Variants in ATL2 observed in about 807,000 individuals in gnomAD.
ATL2 encodes atlastin-2.
In ATL2, 31 loss-of-function variants were observed where a neutral mutation model predicts 73.9. The observed-to-expected ratio is 0.42, with a 90% confidence interval of 0.32 to 0.57. ATL2 has a LOEUF of 0.57. ATL2 is among the 20% of genes least tolerant of loss of function. The pLI, the probability that ATL2 is intolerant of heterozygous loss-of-function variation, is 0.14. For missense variants in ATL2, 738 were observed against 702.6 expected (o/e 1.05, Z -0.57); for synonymous variants, 291 against 237.5 (o/e 1.23, Z -2.07).
intron 2 of ATL2, among the ~76,000 whole-genome samples, chr2:38,334,271 C>T (rs906910170): frequency 6.6e-5 from 10 of 151,696 alleles, no homozygotes; most frequent in South Asian, 4.2e-4. Context: ...CTCAAGCAGT[C>T]GACTTGCCTC....
At chr2:38,371,791 A>C (rs1399639059) in intron 1 of ATL2, among the ~76,000 whole-genome samples, 1 of 151,924 alleles carries the variant, frequency 6.6e-6, no homozygotes, top group Admixed American at 6.6e-5. Context: ...CCAGATACTC[A>C]GGGGCTGAGG....
intron 1 of ATL2, among the ~76,000 whole-genome samples, chr2:38,343,953 T>A (rs1418151977): frequency 1.3e-5 from 2 of 152,188 alleles, no homozygotes; most frequent in East Asian, 3.8e-4. Flanking sequence ...TTGTGAGACC[T>A]CCCCAGCCAC....
intron 2 of ATL2, 112 bp downstream of exon 2, chr2:38,343,148 TTAAAAAAA>T (rs1435917135): frequency 2.1e-5 from 15 of 717,932 alleles, no homozygotes; most frequent in Non-Finnish European, 2.5e-5. Flanking sequence ...ACCACTTAAA[TTAAAAAAA>T]AAAAAAAAAA....
chr2:38,340,652 G>A (rs1008336752), intron 2 of ATL2, among the ~76,000 whole-genome samples: 1 of 152,110 alleles, frequency 6.6e-6, no homozygotes, highest in Non-Finnish European at 1.5e-5. Context: ...TCCCACCTGT[G>A]CAGGCATACA....
In ATL2 at chr2:38,349,165, A is replaced by C. The variant is rs1670198241; in HGVS notation, c.119-5653T>G. ...AAATACCATTTGACCCAGTCATCCCATTACTGGGTATATACCCAAAGGACT... is the reference window on the plus strand; with the variant it reads ...AAATACCATTTGACCCAGTCATCCCCTTACTGGGTATATACCCAAAGGACT... On this transcript the variant is annotated intron_variant, in intron 1 of 12. Coordinates refer to ENST00000378954, the MANE Select transcript of ATL2 (RefSeq NM_001135673.4). Among the ~76,000 whole-genome samples the C allele has an allele frequency of 3.3e-5, 5 of 152,118 alleles. 1 individual carries two copies. Among genetic ancestry groups the C allele is most frequent in the Admixed American group, 3.3e-4 (5 of 15,280 alleles).
In ATL2 at chr2:38,309,416, G is replaced by T. The variant is rs200636844; in HGVS notation, c.1034C>A (p.Ser345Tyr). The change falls in exon 9 of 13, where the codon TCT (serine) becomes TAT (tyrosine). Residue 345 changes from serine (S) to tyrosine (Y), a missense_variant. Physicochemically the swap from Ser to Tyr is moderately radical, Grantham distance 144. Transcript: ENST00000378954. Reference sequence around the variant, plus strand: ...TACAAGATCTCTACAAGTGACTTTAGATCCACTTATCTCTTTTTCTACCAA... The same window carrying T: ...TACAAGATCTCTACAAGTGACTTTATATCCACTTATCTCTTTTTCTACCAA... Reference protein sequence around the residue: ...ENLVEKEISGSKVTCRDLVEY... With the variant: ...ENLVEKEISGYKVTCRDLVEY... 5 of 1,611,774 alleles carry T rather than the reference G, an allele frequency of 3.1e-6. No homozygotes were observed. The highest frequency in any genetic ancestry group is 4.2e-6 in the Non-Finnish European group (5 of 1,179,524).
intron 9 of ATL2, 120 bp downstream of exon 9, chr2:38,309,259 A>C: frequency 1.0e-6 from 1 of 985,650 alleles, no homozygotes; most frequent in Non-Finnish European, 1.4e-6. Context: ...CAGAAAGATA[A>C]ATCACAAATC....
chr2:38,294,581 C>T lies in ATL2; in HGVS notation c.*1413G>A, dbSNP rs575880412. On this transcript the variant is annotated 3_prime_UTR_variant, in exon 13 of 13. Transcript: ENST00000378954. ...AACAAACAAAACTAGGTACTTTAAT[C>T]GGTGTTCACAAAGAAGACCACAAAA... Among the ~76,000 whole-genome samples, 9 of 150,608 alleles carry T rather than the reference C, an allele frequency of 6.0e-5. No homozygotes were observed. The South Asian group carries it at 8.4e-4, about 14-fold the overall frequency.
At chr2:38,296,368 C>A in intron 12 of ATL2, 2 of 1,492,858 alleles carry the variant, frequency 1.3e-6, no homozygotes, top group Non-Finnish European at 8.9e-7. Flanking sequence ...CTATATGCAG[C>A]ATCAAATCTG....
intron 1 of ATL2, among the ~76,000 whole-genome samples, chr2:38,350,310 C>G (rs552174315): frequency 1.2e-4 from 18 of 152,264 alleles, no homozygotes; most frequent in Non-Finnish European, 1.9e-4. Context: ...TAAAAGACAC[C>G]TAAAGATGAT....
At chr2:38,300,646 A>G (rs1177198122) in intron 9 of ATL2, among the ~76,000 whole-genome samples, 1 of 152,152 alleles carries the variant, frequency 6.6e-6, no homozygotes, top group Non-Finnish European at 1.5e-5. Flanking sequence ...TATTTTTAAA[A>G]AACTTTTTTT....
intron 2 of ATL2, among the ~76,000 whole-genome samples, chr2:38,328,918 A>C (rs538636563): frequency 6.6e-6 from 1 of 151,964 alleles, no homozygotes; most frequent in Admixed American, 6.6e-5. Context: ...CAATATAATT[A>C]ACTGAAGAGA....
rs528614040 is a variant in ATL2 at position 38,348,242 on chromosome 2, G to A, written c.119-4730C>T. On this transcript the variant is annotated intron_variant, in intron 1 of 12. Transcript: ENST00000378954. ...AACAATTTGGGAGGCTGAGGAGGGCGGATCACCTAAAGTCAGGAGTTTAAG... is the reference window on the plus strand; with the variant it reads ...AACAATTTGGGAGGCTGAGGAGGGCAGATCACCTAAAGTCAGGAGTTTAAG... 8.3e-4 allele frequency among the ~76,000 whole-genome samples: 126 copies of A among 152,062 alleles called. 2 individuals are homozygous for A. Among genetic ancestry groups the A allele is most frequent in the South Asian group, 7.9e-3 (38 of 4,806 alleles).
chr2:38,361,108 C>A (rs916605015), intron 1 of ATL2, among the ~76,000 whole-genome samples: 1 of 151,888 alleles, frequency 6.6e-6, no homozygotes, highest in Non-Finnish European at 1.5e-5. Flanking sequence ...AATCCCAGCA[C>A]TTTGGGAGGC....
intron 2 of ATL2, among the ~76,000 whole-genome samples, chr2:38,337,854 T>C (rs115355014): frequency 0.027 from 4,102 of 152,250 alleles, 99 homozygotes; most frequent in South Asian, 0.099. Context: ...GGTATAAAAG[T>C]AGAAGCAACT....
chr2:38,350,227 C>T (rs1670260213), intron 1 of ATL2, among the ~76,000 whole-genome samples: 1 of 152,174 alleles, frequency 6.6e-6, no homozygotes, highest in Admixed American at 6.5e-5. Flanking sequence ...CCCCCCAACA[C>T]ATTTTTGTGA....
At chr2:38,353,464 C>G (rs894531844) in intron 1 of ATL2, among the ~76,000 whole-genome samples, 12 of 152,188 alleles carry the variant, frequency 7.9e-5, no homozygotes, top group Admixed American at 7.9e-4. Context: ...CTATGGAACA[C>G]TATCCAACCT....
chr2:38,334,890 TA>T (rs370587680), intron 2 of ATL2, among the ~76,000 whole-genome samples: 13 of 28,482 alleles, frequency 4.6e-4, no homozygotes, highest in East Asian at 4.9e-3. Context: ...ATATAATATA[TA>T]ATATATATTA....
chr2:38,297,995 T>G, intron 12 of ATL2, 149 bp downstream of exon 12: 1 of 737,142 alleles, frequency 1.4e-6, no homozygotes, highest in African/African-American at 1.8e-5. Context: ...AAATCTTCAA[T>G]TCATAAAGAT....
Sources: gnomAD v4.1 joint callset for allele counts (sites outside exome capture counted in the v4.1 genomes callset) on GRCh38, gnomAD v4.1.1 for gene constraint, MANE v1.5 for transcripts, NCBI Gene and HGNC (gene_info 2026-07-23, HGNC 2026-07-21) for gene names.